PCNX1: variants seen among roughly 807,000 people sequenced by gnomAD.
PCNX1 encodes pecanex-like protein 1.
In PCNX1, 78 loss-of-function variants were observed where a neutral mutation model predicts 242.2. The ratio of observed to expected loss-of-function variants is 0.32; its 90% confidence interval spans 0.27 to 0.39. PCNX1 has a LOEUF of 0.39. Ranked by LOEUF, PCNX1 falls within the 10% of genes least tolerant of loss-of-function variation. The pLI, the probability that PCNX1 is intolerant of heterozygous loss-of-function variation, is 1.00. For synonymous variants in PCNX1, 1,024 were observed against 1,032.9 expected, an observed-to-expected ratio of 0.99 and a Z score of 0.17; for missense variants, 2,581 against 2,856.5, an observed-to-expected ratio of 0.90 and a Z score of 2.20.
intron 1 of PCNX1, among the ~76,000 whole-genome samples, chr14:70,931,965 A>G (rs2056817008): frequency 6.6e-6 from 1 of 152,182 alleles, no homozygotes; most frequent in Non-Finnish European, 1.5e-5. Flanking sequence ...CTCTACTAAA[A>G]ATACAAAATT....
intron 19 of PCNX1, among the ~76,000 whole-genome samples, chr14:71,039,592 C>T (rs902364974): frequency 3.3e-5 from 5 of 152,178 alleles, no homozygotes; most frequent in African/African-American, 9.7e-5. Context: ...CATAGACTAA[C>T]CCTGGTACAT....
intron 7 of PCNX1, among the ~76,000 whole-genome samples, chr14:70,993,584 A>C (rs945966998): frequency 1.3e-5 from 2 of 152,028 alleles, no homozygotes; most frequent in African/African-American, 4.8e-5. Flanking sequence ...TGTATATTGG[A>C]TATACATTGT....
At chr14:71,039,041 G>A (rs1353880458) in intron 19 of PCNX1, among the ~76,000 whole-genome samples, 1 of 151,584 alleles carries the variant, frequency 6.6e-6, no homozygotes, top group African/African-American at 2.4e-5. Flanking sequence ...ATGGACACAG[G>A]AAGGGGAACA....
intron 33 of PCNX1, among the ~76,000 whole-genome samples, chr14:71,107,493 A>G (rs2062657033): frequency 6.6e-6 from 1 of 152,144 alleles, no homozygotes; most frequent in Non-Finnish European, 1.5e-5. Flanking sequence ...TTTTGTTCTT[A>G]CCTTGATTAG....
intron 13 of PCNX1, 130 bp downstream of exon 13, chr14:71,023,362 C>T (rs1047607599): frequency 2.9e-6 from 2 of 682,974 alleles, no homozygotes; most frequent in South Asian, 1.8e-5. Context: ...TTATTATTTT[C>T]CTCATCTATG....
At position 71,068,713 on chromosome 14, in the gene PCNX1, A is replaced by G. The variant is rs1454834269; in HGVS notation, c.4853-4832A>G. Reference sequence around the variant, plus strand: ...TGTGAACATATACATGCATATATGTATGTATATATAATATACAAATAACAT... The same window carrying G: ...TGTGAACATATACATGCATATATGTGTGTATATATAATATACAAATAACAT... On this transcript the variant is annotated intron_variant, in intron 26 of 35. Transcript: ENST00000304743. 3.4e-4 allele frequency among the ~76,000 whole-genome samples: 47 copies of G among 139,496 alleles called. 1 individual carries two copies. Among genetic ancestry groups the G allele is most frequent in the African/African-American group, 1.2e-3 (41 of 35,562 alleles). 91.5% of individuals were successfully genotyped at this position (139,496 alleles called of 152,430 possible).
rs942549084 is a variant in PCNX1, at chr14:71,016,282, A to C, written c.2997-2727A>C. 5.9e-5 allele frequency among the ~76,000 whole-genome samples: 9 copies of C among 152,324 alleles called. 1 individual carries two copies. The South Asian group carries it at 1.7e-3, about 28-fold the overall frequency. On this transcript the variant is annotated intron_variant, in intron 11 of 35. Coordinates refer to ENST00000304743, the MANE Select transcript of PCNX1 (RefSeq NM_014982.3). ...AAGCAAAAGCTAATAGAAGTGGAGAAATAGACAAATCACAGTTATAGGTGA... is the reference window on the plus strand; with the variant it reads ...AAGCAAAAGCTAATAGAAGTGGAGACATAGACAAATCACAGTTATAGGTGA...
chr14:70,990,561 T>C (rs893765930), intron 7 of PCNX1, among the ~76,000 whole-genome samples: 73 of 122,372 alleles, frequency 6.0e-4, no homozygotes, highest in Admixed American at 1.5e-3. Context: ...GGAGACTCCA[T>C]CTCAAAAAAA....
intron 1 of PCNX1, among the ~76,000 whole-genome samples, chr14:70,945,462 A>G (rs2057419105): frequency 6.6e-6 from 1 of 152,204 alleles, no homozygotes; most frequent in African/African-American, 2.4e-5. Context: ...TTTAAAAATA[A>G]CAAATATTTA....
chr14:70,917,701 A>G (rs1312522991), intron 1 of PCNX1, among the ~76,000 whole-genome samples: 3 of 152,220 alleles, frequency 2.0e-5, no homozygotes, highest in African/African-American at 7.2e-5. Context: ...TGGAATGGCC[A>G]ATGAGCATTG....
intron 26 of PCNX1, among the ~76,000 whole-genome samples, chr14:71,070,868 C>T (rs2061569750): frequency 6.6e-6 from 1 of 152,202 alleles, no homozygotes; most frequent in Non-Finnish European, 1.5e-5. Context: ...GGCATTGACT[C>T]CTCTCTAGCT....
intron 3 of PCNX1, among the ~76,000 whole-genome samples, chr14:70,965,147 T>C (rs1487386483): frequency 6.6e-6 from 1 of 152,096 alleles, no homozygotes; most frequent in East Asian, 1.9e-4. Flanking sequence ...ACCTCTGCCT[T>C]TCTCCCTTTC....
intron 2 of PCNX1, among the ~76,000 whole-genome samples, chr14:70,948,051 T>G (rs563596947): frequency 2.0e-5 from 3 of 152,358 alleles, no homozygotes; most frequent in African/African-American, 7.2e-5. Context: ...TTCTCTGCTC[T>G]TGAACCCTGT....
At chr14:71,100,937 G>C (rs986485111) in intron 30 of PCNX1, among the ~76,000 whole-genome samples, 1 of 152,170 alleles carries the variant, frequency 6.6e-6, no homozygotes, top group African/African-American at 2.4e-5. Context: ...CATGGAAAAT[G>C]CAGGTATTAT....
At chr14:70,948,655 ATATATACACGTGTC>A (rs2057565882) in intron 2 of PCNX1, among the ~76,000 whole-genome samples, 1 of 150,820 alleles carries the variant, frequency 6.6e-6, no homozygotes, top group African/African-American at 2.4e-5. Flanking sequence ...ATAGATGTGT[ATATATACACGTGTC>A]TATATAGATG....
At chr14:71,073,857 A>G (rs918903794) in intron 27 of PCNX1, 59 bp downstream of exon 27, 20 of 1,202,716 alleles carry the variant, frequency 1.7e-5, no homozygotes, top group Non-Finnish European at 2.3e-5. Context: ...TGGGAATGAC[A>G]TATATAAGTA....
rs981040339 is a variant in PCNX1 at position 71,112,315 on chromosome 14, T to C, written c.*2380T>C. On this transcript the variant is annotated 3_prime_UTR_variant, in exon 36 of 36. Transcript: ENST00000304743. Reference sequence around the variant, plus strand: ...AAGACTAGACTTTATATGGAACATATATGTTGGGTTTTGATTTTGGGTAGC... The same window carrying C: ...AAGACTAGACTTTATATGGAACATACATGTTGGGTTTTGATTTTGGGTAGC... The C allele has an allele frequency of 2.6e-5, 4 of 152,060 alleles. No individual in the cohort carries two copies. The highest frequency in any genetic ancestry group is 4.4e-5 in the Non-Finnish European group (3 of 67,930). The allele number at this position is 152,060 out of a possible 1,614,324, so 9.4% of individuals were successfully genotyped here.
chr14:71,029,599 T>C (rs2060327611), intron 16 of PCNX1, among the ~76,000 whole-genome samples: 2 of 152,226 alleles, frequency 1.3e-5, no homozygotes, highest in Admixed American at 1.3e-4. Context: ...GTTCTGTGGG[T>C]GTACAAATTA....
chr14:70,993,796 T>C (rs1481635539), intron 7 of PCNX1, among the ~76,000 whole-genome samples: 1 of 152,194 alleles, frequency 6.6e-6, no homozygotes, highest in Non-Finnish European at 1.5e-5. Context: ...ACTTAAACAT[T>C]TTTTTCTCAG....
Sources: gnomAD v4.1 joint callset for allele counts (sites outside exome capture counted in the v4.1 genomes callset) on GRCh38, gnomAD v4.1.1 for gene constraint, MANE v1.5 for transcripts, NCBI Gene and HGNC (gene_info 2026-07-23, HGNC 2026-07-21) for gene names.